PTPRN2: variants seen among roughly 807,000 people sequenced by gnomAD.
The protein encoded by PTPRN2 is receptor-type tyrosine-protein phosphatase N2.
In PTPRN2, 74 loss-of-function variants were observed where a neutral mutation model predicts 118.8. That is an observed-to-expected ratio of 0.62 (90% CI 0.52 to 0.76). PTPRN2 has a LOEUF of 0.76. Among genes scored for constraint, PTPRN2 ranks in the 30% least tolerant of loss-of-function variants. The pLI, the probability that PTPRN2 is intolerant of heterozygous loss-of-function variation, is 0.00. For synonymous variants in PTPRN2, 641 were observed against 608.0 expected, an observed-to-expected ratio of 1.05 and a Z score of -0.80; for missense variants, 1,481 against 1,394.4, an observed-to-expected ratio of 1.06 and a Z score of -0.99.
intron 14 of PTPRN2, among the ~76,000 whole-genome samples, chr7:157,630,162 T>A (rs1803851941): frequency 6.6e-6 from 1 of 152,186 alleles, no homozygotes; most frequent in South Asian, 2.1e-4. Flanking sequence ...TATGGGGGCT[T>A]CGGGAGCAGC....
chr7:158,081,329 G>A lies in PTPRN2; in HGVS notation c.1692C>T (p.Asn564=), dbSNP rs752265596. ...CCTTCTCCACATCCTCAGTGGTCACGTTTTGGACATTGGCGCTCACTTTGA... is the reference window on the plus strand; with the variant it reads ...CCTTCTCCACATCCTCAGTGGTCACATTTTGGACATTGGCGCTCACTTTGA... ...VTFKVSANVQ[N]VTTEDVEKAT... is the part of the protein sequence containing the mutation. Residue 564 remains asparagine (N), a synonymous_variant, in exon 11 of 23, where the codon AAC becomes AAT. Coordinates refer to ENST00000389418, the MANE Select transcript of PTPRN2 (RefSeq NM_002847.5). 14 of 1,614,028 alleles carry A rather than the reference G, an allele frequency of 8.7e-6. No homozygotes were observed. Among genetic ancestry groups the A allele is most frequent in the South Asian group, 3.3e-5 (3 of 91,090 alleles).
chr7:157,756,720 A>G (rs1247546801), intron 12 of PTPRN2, among the ~76,000 whole-genome samples: 1 of 152,012 alleles, frequency 6.6e-6, no homozygotes, highest in Non-Finnish European at 1.5e-5. Context: ...CTCAAGGAAC[A>G]TCAGCAGTGT....
intron 12 of PTPRN2, among the ~76,000 whole-genome samples, chr7:157,722,981 C>T (rs1256538162): frequency 6.6e-6 from 1 of 152,238 alleles, no homozygotes; most frequent in Admixed American, 6.5e-5. Context: ...TTTTGCGTCC[C>T]TGGCTCAACT....
chr7:158,319,911 TCACACACACACAGCCTCCCTCA>T (rs1802803421), intron 2 of PTPRN2, among the ~76,000 whole-genome samples: 2 of 31,792 alleles, frequency 6.3e-5, no homozygotes, highest in African/African-American at 1.6e-4. Context: ...ACAGCCTCCC[TCACACACACACAGCCTCCCTCA>T]CACACACACA....
At chr7:157,776,300 C>T (rs1345844999) in intron 12 of PTPRN2, among the ~76,000 whole-genome samples, 3 of 141,324 alleles carry the variant, frequency 2.1e-5, no homozygotes, top group African/African-American at 8.1e-5. Context: ...TCCTCCTTCT[C>T]CCTCTCCTCT....
intron 13 of PTPRN2, chr7:157,669,413 G>T: frequency 2.4e-6 from 1 of 424,626 alleles, no homozygotes; most frequent in Non-Finnish European, 4.7e-6. Context: ...ACCCACACAC[G>T]TGTTTGCACG....
At chr7:158,283,874 T>A (rs1799597051) in intron 3 of PTPRN2, among the ~76,000 whole-genome samples, 1 of 152,052 alleles carries the variant, frequency 6.6e-6, no homozygotes, top group African/African-American at 2.4e-5. Flanking sequence ...AATCACCACG[T>A]CGTTCAGAAT....
At chr7:158,369,471 T>C (rs1367738205) in intron 2 of PTPRN2, among the ~76,000 whole-genome samples, 7 of 152,122 alleles carry the variant, frequency 4.6e-5, no homozygotes, top group Non-Finnish European at 1.0e-4. Context: ...ACTGGGCAGA[T>C]GCTATCAGCA....
In PTPRN2 at chr7:157,784,601, G is replaced by A. The variant is rs886689771; in HGVS notation, c.1789-101664C>T. On this transcript the variant is annotated intron_variant, in intron 12 of 22. Transcript: ENST00000389418. The surrounding 1 kb of genome is among the most constrained non-coding windows in gnomAD (Gnocchi z 4.6). ...TTGAAGAGCAACTGACCCATGAAAC[G>A]GGCAGGGGCTGGGCTGATCCCATAT... 4.9e-5 allele frequency among the ~76,000 whole-genome samples: 6 copies of A among 121,634 alleles called. No homozygotes were observed. The highest frequency in any genetic ancestry group is 1.2e-4 in the African/African-American group (4 of 32,740). 79.8% of individuals were successfully genotyped at this position (121,634 alleles called of 152,430 possible). A position where few individuals can be genotyped will look rare whatever the true frequency, so the allele number is the denominator to read the frequency against.
At chr7:158,123,635 A>G (rs1817362408) in intron 9 of PTPRN2, among the ~76,000 whole-genome samples, 1 of 152,220 alleles carries the variant, frequency 6.6e-6, no homozygotes, top group Non-Finnish European at 1.5e-5. Context: ...CGACTCTTCC[A>G]GGCAGAAAAT....
chr7:157,612,992 T>G (rs1263071087), intron 15 of PTPRN2, among the ~76,000 whole-genome samples: 2 of 152,058 alleles, frequency 1.3e-5, no homozygotes, highest in African/African-American at 4.8e-5. Context: ...AGGGTTGATC[T>G]CACTGACAGG....
rs779681371 is a variant in PTPRN2, at chr7:157,986,336, C to T, written c.1724-87599G>A. Among the ~76,000 whole-genome samples, 2 of 152,186 alleles carry T rather than the reference C, an allele frequency of 1.3e-5. No homozygotes were observed. The highest frequency in any genetic ancestry group is 2.9e-5 in the Non-Finnish European group (2 of 68,044). ...TTCGCTTTAGGACCATGGACTCTGG[C>T]GGCAGATAATGGCCTGAGAGGTCAG... On this transcript the variant is annotated intron_variant, in intron 11 of 22. Coordinates refer to ENST00000389418, the MANE Select transcript of PTPRN2 (RefSeq NM_002847.5). This position sits in a 1 kb window ranked among gnomAD's most constrained non-coding sequence, Gnocchi z 4.5.
chr7:158,343,482 C>T (rs911844882), intron 2 of PTPRN2, among the ~76,000 whole-genome samples: 1 of 152,152 alleles, frequency 6.6e-6, no homozygotes, highest in Non-Finnish European at 1.5e-5. Context: ...CTGATGCAGT[C>T]GCCGTGGAAA....
chr7:157,943,092 C>T (rs1042777575), intron 11 of PTPRN2, among the ~76,000 whole-genome samples: 2 of 152,198 alleles, frequency 1.3e-5, no homozygotes, highest in Non-Finnish European at 2.9e-5. Flanking sequence ...GAAGCCTTTG[C>T]ATTCATAACT....
intron 3 of PTPRN2, among the ~76,000 whole-genome samples, chr7:158,247,811 T>C (rs1231011238): frequency 6.6e-6 from 1 of 152,104 alleles, no homozygotes; most frequent in Non-Finnish European, 1.5e-5. Flanking sequence ...AGATGGGTTT[T>C]CCCCATGTTG....
chr7:158,032,799 G>A (rs780249789), intron 11 of PTPRN2, among the ~76,000 whole-genome samples: 7 of 152,116 alleles, frequency 4.6e-5, no homozygotes, highest in Non-Finnish European at 7.3e-5. Context: ...GGACCACAAC[G>A]GCCCCACGTC....
chr7:158,345,548 C>T (rs1022347339), intron 2 of PTPRN2, among the ~76,000 whole-genome samples: 9 of 152,088 alleles, frequency 5.9e-5, no homozygotes, highest in Non-Finnish European at 1.2e-4. Flanking sequence ...GAAAAACCTC[C>T]TGAAGCTACA....
chr7:158,408,214 C>T (rs1262397694), intron 2 of PTPRN2, among the ~76,000 whole-genome samples: 1 of 152,144 alleles, frequency 6.6e-6, no homozygotes, highest in Non-Finnish European at 1.5e-5. Flanking sequence ...TTTGCATTTT[C>T]TTTGGTATTG....
At chr7:158,111,260 A>G (rs1243261883) in intron 9 of PTPRN2, among the ~76,000 whole-genome samples, 1 of 152,174 alleles carries the variant, frequency 6.6e-6, no homozygotes, top group African/African-American at 2.4e-5. Flanking sequence ...TCCATGGAGA[A>G]AGCATCTGTT....
Sources: gnomAD v4.1 joint callset for allele counts (sites outside exome capture counted in the v4.1 genomes callset) on GRCh38, gnomAD v4.1.1 for gene constraint, Gnocchi (gnomAD v3.1) non-coding constraint, MANE v1.5 for transcripts, NCBI Gene and HGNC (gene_info 2026-07-23, HGNC 2026-07-21) for gene names.